B3GALNT2: variants seen among roughly 807,000 people sequenced by gnomAD.
The protein encoded by B3GALNT2 is UDP-GalNAc:beta-1,3-N-acetylgalactosaminyltransferase 2.
In B3GALNT2, 53 loss-of-function variants were observed where a neutral mutation model predicts 61.1. The ratio of observed to expected loss-of-function variants is 0.87; its 90% confidence interval spans 0.70 to 1.09. The LOEUF is 1.09. B3GALNT2 is among the 50% of genes least tolerant of loss of function. B3GALNT2 has a pLI of 0.00. For synonymous variants in B3GALNT2, 223 were observed against 237.4 expected (o/e 0.94, Z 0.56); for missense variants, 544 against 623.0 (o/e 0.87, Z 1.35).
rs546633200 is a variant in B3GALNT2 at position 235,484,527 on chromosome 1, G to C, written c.362-12C>G. The C allele has an allele frequency of 1.9e-6, 3 of 1,613,262 alleles. No individual in the cohort carries two copies. In the Admixed American group the frequency reaches 5.0e-5, roughly 27 times the overall value. ...TTCCTGATTCAAAACTAAGTAATGA[G>C]AACAGGTTTATATAACTGAACAAAT... On this transcript the variant is annotated splice_polypyrimidine_tract_variant and intron_variant, in intron 3 of 11. Transcript: ENST00000366600.
intron 5 of B3GALNT2, chr1:235,479,771 T>C (rs1354054172): frequency 7.7e-6 from 2 of 259,572 alleles, no homozygotes; most frequent in African/African-American, 2.2e-5. Flanking sequence ...CATCATCCTT[T>C]GTCATTAAAA....
In B3GALNT2 at chr1:235,484,349, A is replaced by G. The variant is rs1684698365; in HGVS notation, c.528T>C (p.Thr176=). 1 of 1,614,142 alleles carries G rather than the reference A, an allele frequency of 6.2e-7. No individual in the cohort carries two copies. Among genetic ancestry groups the G allele is most frequent in the Non-Finnish European group, 8.5e-7 (1 of 1,180,006 alleles). Residue 176 remains threonine, a synonymous_variant, in exon 4 of 12, where the codon ACT becomes ACC. Coordinates refer to ENST00000366600, the MANE Select transcript of B3GALNT2 (RefSeq NM_152490.5). ...CTTGTTCTGCCTGATAAAGTTTGAC[A>G]GTGATGTTCCTCTGGAAACCCACAT... The part of the protein sequence containing the change: ...ANDVGFQRNI[T]VKLYQAEQEE...
rs928814601 is a variant in B3GALNT2 at position 235,504,362 on chromosome 1, G to A, written c.-110C>T. 8 of 1,242,154 alleles carry A rather than the reference G, an allele frequency of 6.4e-6. No homozygotes were observed. The African/African-American group carries it at 8.0e-5, about 12-fold the overall frequency. 76.9% of individuals were successfully genotyped at this position (1,242,154 alleles called of 1,614,324 possible). A position where few individuals can be genotyped will look rare whatever the true frequency, so the allele number is the denominator to read the frequency against. On this transcript the variant is annotated 5_prime_UTR_variant, in exon 1 of 12. Transcript: ENST00000366600. ...GCTGACGAGCGACCACTCCGAGCAC[G>A]CCCGCCCTCGCGCTCGGCGACGTCT... is the stretch of plus-strand genomic sequence containing the variant.
intron 11 of B3GALNT2, chr1:235,450,986 A>ATGT (rs1339637677): frequency 6.6e-6 from 1 of 152,242 alleles, no homozygotes; most frequent in African/African-American, 2.4e-5. Context: ...CAACACAAAA[A>ATGT]TGTTGGATAA....
At chr1:235,468,793 A>C (rs1477319605) in intron 6 of B3GALNT2, among the ~76,000 whole-genome samples, 1 of 152,164 alleles carries the variant, frequency 6.6e-6, no homozygotes, top group African/African-American at 2.4e-5. Context: ...GAATTTTGGC[A>C]TATGCTGGGT....
intron 5 of B3GALNT2, among the ~76,000 whole-genome samples, chr1:235,478,333 G>A (rs958946239): frequency 6.6e-6 from 1 of 152,204 alleles, no homozygotes; most frequent in East Asian, 1.9e-4. Flanking sequence ...TTACAGGTGT[G>A]AGCCACTGAG....
chr1:235,440,100 G>A, the B3GALNT2 span, among the ~76,000 whole-genome samples: 1,900 of 151,118 alleles, frequency 0.013, 10 homozygotes, highest in Non-Finnish European at 0.017. Flanking sequence ...CCTCCCGAGT[G>A]GCTGGGACTA....
At chr1:235,489,385 C>CCTG in intron 2 of B3GALNT2, 117 bp from the exon 3 acceptor site, 1 of 1,452,684 alleles carries the variant, frequency 6.9e-7, no homozygotes, top group Non-Finnish European at 9.1e-7. Flanking sequence ...AGGATTAATT[C>CCTG]TCTACCTTTA....
intron 5 of B3GALNT2, among the ~76,000 whole-genome samples, chr1:235,474,966 TATATATATA>T (rs1684178714): frequency 1.2e-4 from 3 of 25,962 alleles, no homozygotes; most frequent in African/African-American, 6.8e-4. Flanking sequence ...TATATATATA[TATATATATA>T]TATATATATA....
intron 3 of B3GALNT2, among the ~76,000 whole-genome samples, chr1:235,487,413 C>A (rs116247028): frequency 0.044 from 6,709 of 152,174 alleles, 246 homozygotes; most frequent in African/African-American, 0.096. Context: ...AACTATTATT[C>A]TAAATACATC....
chr1:235,487,957 G>T (rs528831118), intron 3 of B3GALNT2, among the ~76,000 whole-genome samples: 4 of 149,112 alleles, frequency 2.7e-5, no homozygotes, highest in South Asian at 4.2e-4. Flanking sequence ...CTTGGCTAAT[G>T]TTTTTTTTTT....
At chr1:235,446,848 C>T (rs1482607403), downstream of B3GALNT2, among the ~76,000 whole-genome samples, 1 of 151,894 alleles carries the variant, frequency 6.6e-6, no homozygotes, top group African/African-American at 2.4e-5. Context: ...CTATGCTTGG[C>T]TAATTTTTTA....
intron 6 of B3GALNT2, among the ~76,000 whole-genome samples, chr1:235,468,513 C>T (rs1050007155): frequency 2.1e-5 from 3 of 140,704 alleles, no homozygotes; most frequent in South Asian, 2.2e-4. Context: ...AGTGCAGTGG[C>T]GCGATCTTGG....
In B3GALNT2 at chr1:235,477,105, G is replaced by A. The variant is rs556724533; in HGVS notation, c.651+2949C>T. Reference sequence around the variant, plus strand: ...ACAAAGGTAACTCACTATTTTGGCTGAGTACTTCCCATCATTAGTACCCAC... The same window carrying A: ...ACAAAGGTAACTCACTATTTTGGCTAAGTACTTCCCATCATTAGTACCCAC... On this transcript the variant is annotated intron_variant, in intron 5 of 11. Transcript: ENST00000366600. Among the ~76,000 whole-genome samples the A allele has an allele frequency of 4.6e-5, 7 of 152,078 alleles. No individual in the cohort carries two copies. The South Asian group carries it at 1.5e-3, about 32-fold the overall frequency.
In B3GALNT2 at chr1:235,476,406, G is replaced by A. The variant is rs58156383; in HGVS notation, c.651+3648C>T. On this transcript the variant is annotated intron_variant, in intron 5 of 11. Transcript: ENST00000366600. ...CGCCTGGGTGACAGAGCGAGACTCC[G>A]TTTCTAAACAAACAAACAAACAAAC... Among the ~76,000 whole-genome samples the A allele has an allele frequency of 8.4e-3, 1,263 of 151,170 alleles. 14 individuals carry two copies. The highest frequency in any genetic ancestry group is 0.029 in the African/African-American group (1,213 of 41,330).
chr1:235,497,320 C>T (rs1310521388), intron 1 of B3GALNT2, among the ~76,000 whole-genome samples: 2 of 152,186 alleles, frequency 1.3e-5, no homozygotes, highest in Non-Finnish European at 2.9e-5. Context: ...GACATTGATT[C>T]CACAGCCAAG....
At chr1:235,446,116 A>T (rs1023547837), downstream of B3GALNT2, among the ~76,000 whole-genome samples, 3 of 152,242 alleles carry the variant, frequency 2.0e-5, no homozygotes, top group Admixed American at 1.3e-4. Flanking sequence ...TGGCATGAAA[A>T]GCTATACCAT....
At chr1:235,461,948 T>C (rs1340682203) in intron 7 of B3GALNT2, among the ~76,000 whole-genome samples, 3 of 152,244 alleles carry the variant, frequency 2.0e-5, no homozygotes, top group Non-Finnish European at 4.4e-5. Flanking sequence ...TGTGAGATGT[T>C]CAACCTTTAT....
Position 235,504,320 on chromosome 1 carries a change from G to C in B3GALNT2, c.-68C>G. Reference sequence around the variant, plus strand: ...GAGAGGGAGGGGACCTGCAAGTGCGGAGACTGAGGGGCGGCGGCTGACGAG... The same window carrying C: ...GAGAGGGAGGGGACCTGCAAGTGCGCAGACTGAGGGGCGGCGGCTGACGAG... On this transcript the variant is annotated 5_prime_UTR_variant, in exon 1 of 12. Coordinates refer to ENST00000366600, the MANE Select transcript of B3GALNT2 (RefSeq NM_152490.5). 7 of 1,442,482 alleles carry C rather than the reference G, an allele frequency of 4.9e-6. No individual in the cohort carries two copies. Among genetic ancestry groups the C allele is most frequent in the Non-Finnish European group, 4.6e-6 (5 of 1,097,824 alleles). 89.4% of individuals were successfully genotyped at this position (1,442,482 alleles called of 1,614,324 possible). A position where few individuals can be genotyped will look rare whatever the true frequency, so the allele number is the denominator to read the frequency against.
Sources: allele counts gnomAD v4.1 joint callset (sites outside exome capture counted in the v4.1 genomes callset), GRCh38; gene constraint gnomAD v4.1.1; transcripts MANE v1.5; gene names NCBI Gene and HGNC (gene_info 2026-07-23, HGNC 2026-07-21).